Variants in OPCML observed in about 807,000 individuals in gnomAD.
OPCML encodes opioid binding protein/cell adhesion molecule like.
Under a neutral mutation model 37.8 loss-of-function variants are expected in OPCML, and 13 were observed. The observed-to-expected ratio is 0.34, with a 90% CI of 0.22 to 0.55. OPCML has a LOEUF of 0.55. Among genes scored for constraint, OPCML ranks in the 20% least tolerant of loss-of-function variants. The pLI is 0.91. For missense variants in OPCML, 341 were observed against 435.6 expected (o/e 0.78, Z 1.93); for synonymous variants, 176 against 168.8 (o/e 1.04, Z -0.33).
At chr11:133,403,396 C>T (rs536125861) in intron 1 of OPCML, among the ~76,000 whole-genome samples, 6 of 152,246 alleles carry the variant, frequency 3.9e-5, no homozygotes, top group Non-Finnish European at 7.4e-5. Flanking sequence ...TATGAGTAAA[C>T]GTCTGTTCAA....
chr11:132,552,836 G>A (rs1465299197), intron 3 of OPCML, among the ~76,000 whole-genome samples: 1 of 142,808 alleles, frequency 7.0e-6, no homozygotes, highest in Non-Finnish European at 1.5e-5. Flanking sequence ...GCACGATCTT[G>A]GCTCACTGCA....
chr11:132,731,986 A>C (rs1372025123), intron 2 of OPCML, among the ~76,000 whole-genome samples: 1 of 152,164 alleles, frequency 6.6e-6, no homozygotes, highest in Non-Finnish European at 1.5e-5. Flanking sequence ...AATGGATTTG[A>C]GTTTGCTGAC....
chr11:132,955,608 G>A (rs944623481), intron 1 of OPCML, among the ~76,000 whole-genome samples: 2 of 152,182 alleles, frequency 1.3e-5, no homozygotes, highest in Non-Finnish European at 2.9e-5. Context: ...ATCTGGCTGG[G>A]CGCGGTGGCT....
At chr11:132,533,744 A>G (rs1270710285) in intron 3 of OPCML, among the ~76,000 whole-genome samples, 26 of 152,056 alleles carry the variant, frequency 1.7e-4, no homozygotes, top group Admixed American at 1.7e-3. Flanking sequence ...AATTGTACAT[A>G]CAATTCCCTC....
At chr11:132,852,219 C>G (rs545840601) in intron 2 of OPCML, among the ~76,000 whole-genome samples, 80 of 152,288 alleles carry the variant, frequency 5.3e-4, no homozygotes, top group African/African-American at 1.9e-3. Flanking sequence ...TTAGACCTAG[C>G]TAGGCCCACA....
intron 1 of OPCML, among the ~76,000 whole-genome samples, chr11:133,058,085 A>G (rs549734105): frequency 6.4e-4 from 98 of 152,308 alleles, no homozygotes; most frequent in African/African-American, 2.2e-3. Context: ...GAGCTTGTTT[A>G]CATTTGTAAA....
At position 133,517,107 on chromosome 11, in the gene OPCML, C is replaced by T. The variant is rs11820788; in HGVS notation, c.61+15157G>A. On this transcript the variant is annotated intron_variant, in intron 1 of 7. Coordinates refer to ENST00000524381, the MANE Select transcript of OPCML (RefSeq NM_001012393.5). ...TCTGTCTGGACTCCATTCCCAGTCA[C>T]GTGGCACGACTCTCTGCAATGGTCT... Among the ~76,000 whole-genome samples the T allele has an allele frequency of 6.0e-3, 908 of 152,302 alleles. 9 individuals are homozygous for T. Among genetic ancestry groups the T allele is most frequent in the African/African-American group, 0.021 (866 of 41,562 alleles).
chr11:132,626,040 G>A (rs76358192), intron 3 of OPCML, among the ~76,000 whole-genome samples: 105 of 151,958 alleles, frequency 6.9e-4, no homozygotes, highest in African/African-American at 2.4e-3. Context: ...CTCCTACAAG[G>A]TAGGCACCAG....
At chr11:133,155,732 T>G (rs76883876) in intron 1 of OPCML, among the ~76,000 whole-genome samples, 9,228 of 152,198 alleles carry the variant, frequency 0.061, 362 homozygotes, top group South Asian at 0.11. Context: ...CTCCGCAGAT[T>G]TAAATTTACA....
At chr11:133,283,358 G>T (rs1289849186) in intron 1 of OPCML, among the ~76,000 whole-genome samples, 2 of 152,064 alleles carry the variant, frequency 1.3e-5, no homozygotes, top group South Asian at 4.2e-4. Flanking sequence ...ATTTAAAAGA[G>T]TGTGGCACCT....
Position 132,786,528 on chromosome 11 carries a change from C to A in OPCML, c.147-129209G>T, listed in dbSNP as rs556803926. ...TGGTTCCCCTTGCCTTTCTTACCCA[C>A]CTGGCAAGTAGAGATAATAACATTT... On this transcript the variant is annotated intron_variant, in intron 2 of 7. Coordinates refer to ENST00000524381, the MANE Select transcript of OPCML (RefSeq NM_001012393.5). 2.3e-4 allele frequency among the ~76,000 whole-genome samples: 35 copies of A among 152,272 alleles called. 1 individual carries two copies. The South Asian group carries it at 5.6e-3, about 24-fold the overall frequency.
intron 2 of OPCML, among the ~76,000 whole-genome samples, chr11:132,798,737 G>A (rs1938475835): frequency 6.6e-6 from 1 of 152,186 alleles, no homozygotes. Context: ...ATTTTCTGAA[G>A]GTGTTCAATT....
intron 1 of OPCML, among the ~76,000 whole-genome samples, chr11:133,181,124 G>C (rs376686788): frequency 6.6e-6 from 1 of 152,166 alleles, no homozygotes; most frequent in South Asian, 2.1e-4. Context: ...GGGAGAACAC[G>C]TTAGTGGTTG....
intron 1 of OPCML, among the ~76,000 whole-genome samples, chr11:133,339,554 C>T (rs1351231166): frequency 1.3e-5 from 2 of 152,150 alleles, no homozygotes; most frequent in Admixed American, 6.5e-5. Flanking sequence ...GTAAAACAAA[C>T]GATGCTCAGA....
intron 2 of OPCML, among the ~76,000 whole-genome samples, chr11:132,828,636 G>T (rs4129343): frequency 1.3e-5 from 2 of 150,264 alleles, no homozygotes; most frequent in South Asian, 2.1e-4. Context: ...GAAAAAAAAA[G>T]TGGAATTTTT....
At chr11:132,596,544 G>A (rs938252472) in intron 3 of OPCML, among the ~76,000 whole-genome samples, 3 of 152,080 alleles carry the variant, frequency 2.0e-5, no homozygotes, top group Admixed American at 6.6e-5. Context: ...AGACCCCAAG[G>A]ACTAGAGCAA....
chr11:132,882,893 GA>G (rs2136433901), intron 2 of OPCML, among the ~76,000 whole-genome samples: 1 of 152,278 alleles, frequency 6.6e-6, no homozygotes, highest in East Asian at 1.9e-4. Context: ...AAGAGGTGGG[GA>G]AAAGACTTTC....
At chr11:132,552,332 C>T (rs181875852) in intron 3 of OPCML, among the ~76,000 whole-genome samples, 2 of 152,300 alleles carry the variant, frequency 1.3e-5, no homozygotes, top group Middle Eastern at 3.4e-3. Flanking sequence ...GACTTTGCCA[C>T]CGGAGAAGGA....
intron 2 of OPCML, among the ~76,000 whole-genome samples, chr11:132,782,933 A>ATATATATG: frequency 1.4e-5 from 2 of 146,572 alleles, no homozygotes; most frequent in Admixed American, 6.9e-5. Context: ...ATATATATAT[A>ATATATATG]TATATATATA....
Sources: allele counts gnomAD v4.1 joint callset (sites outside exome capture counted in the v4.1 genomes callset), GRCh38; gene constraint gnomAD v4.1.1; transcripts MANE v1.5; gene names NCBI Gene and HGNC (gene_info 2026-07-23, HGNC 2026-07-21).